KLC1: variants seen among roughly 807,000 people sequenced by gnomAD.
KLC1 encodes kinesin 2 60/70kDa.
Under a neutral mutation model 84.2 loss-of-function variants are expected in KLC1, and 30 were observed. That is an observed-to-expected ratio of 0.36 (90% CI 0.27 to 0.48). The LOEUF is 0.48. KLC1 is among the 20% of genes least tolerant of loss of function. KLC1 has a pLI of 0.99. For missense variants in KLC1, 499 were observed against 805.4 expected, an observed-to-expected ratio of 0.62 and a Z score of 4.60; for synonymous variants, 289 against 293.3, an observed-to-expected ratio of 0.99 and a Z score of 0.15.
chr14:103,669,512 G>T lies in KLC1; in HGVS notation c.799G>T (p.Asp267Tyr), dbSNP rs1182904597. 1.3e-6 allele frequency: 2 copies of T among 1,583,936 alleles called. No homozygotes were observed. The highest frequency in any genetic ancestry group is 1.1e-5 in the South Asian group (1 of 89,878). Residue 267 changes from aspartate (D) to tyrosine (Y), a missense_variant and splice_region_variant, in exon 6 of 17, where the codon GAT becomes TAT. Physicochemically the swap from Asp to Tyr is radical, Grantham distance 160 (BLOSUM62 -3). Transcript: ENST00000334553. ...CTTAATGTGTGTTTTTCCATTTAGG[G>T]ATCAGAATAAATACAAAGATGCAGC... ...MLNILALVYR[D>Y]QNKYKDAANL...
chr14:103,669,055 G>A (rs2080149776), intron 5 of KLC1, among the ~76,000 whole-genome samples: 1 of 152,002 alleles, frequency 6.6e-6, no homozygotes, highest in African/African-American at 2.4e-5. Context: ...TGAGATTACA[G>A]GCATGAGCCA....
rs115928097 is a variant in KLC1 at position 103,694,874 on chromosome 14, C to T, written c.1848+2449C>T. ...TAAAATACCTTTCAAAGTTTCATCC[C>T]GCCTCATGTCGCAGGACTGCTGTGT... On this transcript the variant is annotated intron_variant, in intron 15 of 16. Transcript: ENST00000334553. The surrounding 1 kb of genome is among the most constrained non-coding windows in gnomAD (Gnocchi z 4.5). 6.8e-4 allele frequency: 675 copies of T among 985,474 alleles called. 3 individuals are homozygous for T. In the African/African-American group the frequency reaches 0.011, roughly 16 times the overall value. The allele number at this position is 985,474 out of a possible 1,614,324, so 61.0% of individuals were successfully genotyped here. A position where few individuals can be genotyped will look rare whatever the true frequency, so the allele number is the denominator to read the frequency against.
At chr14:103,686,733 AT>A (rs2081801347) in intron 13 of KLC1, 5 of 164,668 alleles carry the variant, frequency 3.0e-5, no homozygotes, top group Non-Finnish European at 6.7e-5. Context: ...TTTTGATGAT[AT>A]TCTTAGAAGC....
At chr14:103,677,795 C>T (rs1434925642) in intron 12 of KLC1, among the ~76,000 whole-genome samples, 1 of 151,236 alleles carries the variant, frequency 6.6e-6, no homozygotes, top group African/African-American at 2.4e-5. Context: ...CCCGTCTCTA[C>T]TAAAAATACA....
chr14:103,692,666 C>A (rs925288325), intron 15 of KLC1, among the ~76,000 whole-genome samples: 1 of 152,220 alleles, frequency 6.6e-6, no homozygotes, highest in African/African-American at 2.4e-5. Context: ...TTAATGATCT[C>A]AAATGGTCTT....
At chr14:103,673,791 C>T (rs543683878) in intron 9 of KLC1, among the ~76,000 whole-genome samples, 31 of 152,210 alleles carry the variant, frequency 2.0e-4, no homozygotes, top group African/African-American at 6.7e-4. Context: ...GGTGTGATGG[C>T]GGCCGCCTGT....
intron 15 of KLC1, chr14:103,699,957 C>A: frequency 3.0e-6 from 1 of 333,920 alleles, no homozygotes; most frequent in Non-Finnish European, 5.8e-6. Flanking sequence ...TCAGCAGCAA[C>A]CAGCCCCCTC....
At chr14:103,633,922 G>A (rs931306777) in intron 1 of KLC1, among the ~76,000 whole-genome samples, 1 of 152,142 alleles carries the variant, frequency 6.6e-6, no homozygotes, top group Non-Finnish European at 1.5e-5. Flanking sequence ...AGGATGGAGT[G>A]CAGTGGCATG....
At position 103,694,692 on chromosome 14, in the gene KLC1, G is replaced by A. The variant is rs1288745166; in HGVS notation, c.1848+2267G>A. On this transcript the variant is annotated intron_variant, in intron 15 of 16. Coordinates refer to ENST00000334553, the MANE Select transcript of KLC1 (RefSeq NM_001394837.1). The surrounding 1 kb of genome is among the most constrained non-coding windows in gnomAD (Gnocchi z 4.5). ...TGGAGGGGCGGTCTGTGAAACACCA[G>A]CCATCCCGTGAAAGCTCAGCTTGCC... 2 of 985,350 alleles carry A rather than the reference G, an allele frequency of 2.0e-6. No individual in the cohort carries two copies. Among genetic ancestry groups the A allele is most frequent in the Non-Finnish European group, 2.4e-6 (2 of 829,944 alleles). The allele number at this position is 985,350 out of a possible 1,614,324, so 61.0% of individuals were successfully genotyped here.
chr14:103,648,821 G>A lies in KLC1; in HGVS notation c.-1-5743G>A, dbSNP rs537221179. On this transcript the variant is annotated intron_variant, in intron 1 of 16. Coordinates refer to ENST00000334553, the MANE Select transcript of KLC1 (RefSeq NM_001394837.1). ...GTCTCAGACAAAAAAGGAGAATCAT[G>A]TATGTTAAAAATACATGTCAAAATG... Among the ~76,000 whole-genome samples, 6 of 151,946 alleles carry A rather than the reference G, an allele frequency of 3.9e-5. No homozygotes were observed. The South Asian group carries it at 1.2e-3, about 32-fold the overall frequency.
intron 12 of KLC1, among the ~76,000 whole-genome samples, chr14:103,678,101 C>T (rs2081061047): frequency 6.6e-6 from 1 of 151,862 alleles, no homozygotes; most frequent in Non-Finnish European, 1.5e-5. Context: ...ATGGAAAAAC[C>T]CCATCTCTAC....
intron 13 of KLC1, chr14:103,686,720 C>T (rs1476316576): frequency 1.2e-5 from 2 of 163,904 alleles, no homozygotes; most frequent in African/African-American, 2.4e-5. Context: ...ATGTGGAAGT[C>T]GATTTTGATG....
chr14:103,679,425 C>G lies in KLC1; in HGVS notation c.1530C>G (p.Leu510=), dbSNP rs753985011. The G allele has an allele frequency of 6.2e-7, 1 of 1,613,980 alleles. No individual in the cohort carries two copies. Among genetic ancestry groups the G allele is most frequent in the South Asian group, 1.1e-5 (1 of 91,072 alleles). ...ACAAACAGAGGGTGGCAGAAGTGCT[C>G]AATGACCCTGAGAACATGGAGAAGC... is the stretch of plus-strand genomic sequence containing the variant. The part of the protein sequence containing the change: ...NVHKQRVAEV[L]NDPENMEKRR... Residue 510 remains leucine (L), a synonymous_variant, in exon 13 of 17, where the codon CTC becomes CTG. Coordinates refer to ENST00000334553, the MANE Select transcript of KLC1 (RefSeq NM_001394837.1).
intron 13 of KLC1, chr14:103,683,113 C>G (rs1269629978): frequency 1.3e-5 from 2 of 152,168 alleles, no homozygotes; most frequent in Non-Finnish European, 2.9e-5. Context: ...GTTATGTGGT[C>G]AAAGAAAGGA....
At chr14:103,645,907 G>A (rs375192609) in intron 1 of KLC1, among the ~76,000 whole-genome samples, 2 of 151,952 alleles carry the variant, frequency 1.3e-5, no homozygotes, top group African/African-American at 2.4e-5. Flanking sequence ...ACAGGCACCC[G>A]CCACCATGCC....
intron 1 of KLC1, among the ~76,000 whole-genome samples, chr14:103,650,942 T>A (rs1409208388): frequency 6.6e-6 from 1 of 152,122 alleles, no homozygotes; most frequent in African/African-American, 2.4e-5. Context: ...CAGAAACGCA[T>A]TTTGTTTCTG....
At chr14:103,635,112 T>C (rs1054366319) in intron 1 of KLC1, among the ~76,000 whole-genome samples, 1 of 152,252 alleles carries the variant, frequency 6.6e-6, no homozygotes, top group Non-Finnish European at 1.5e-5. Context: ...CTATCTGAAC[T>C]TAAAGCAACG....
intron 15 of KLC1, chr14:103,698,456 T>G: frequency 2.8e-6 from 1 of 362,430 alleles, no homozygotes; most frequent in East Asian, 6.9e-5. Flanking sequence ...GGCTTCCATG[T>G]GGAGAGAAGA....
intron 15 of KLC1, chr14:103,696,354 G>T: frequency 1.0e-6 from 1 of 985,430 alleles, no homozygotes; most frequent in Admixed American, 6.1e-5. Context: ...ACTTGGTCTT[G>T]TGTTTACAGT....
Sources: gnomAD v4.1 joint callset for allele counts (sites outside exome capture counted in the v4.1 genomes callset) on GRCh38, gnomAD v4.1.1 for gene constraint, Gnocchi (gnomAD v3.1) non-coding constraint, MANE v1.5 for transcripts, NCBI Gene and HGNC (gene_info 2026-07-23, HGNC 2026-07-21) for gene names.